DISC1: variants seen among roughly 807,000 people sequenced by gnomAD.
The protein encoded by DISC1 is disrupted in schizophrenia 1 protein.
In DISC1, 57 loss-of-function variants were observed where a neutral mutation model predicts 84.5. That is an observed-to-expected ratio of 0.67 (90% CI 0.55 to 0.84). DISC1 has a LOEUF of 0.84. Ranked by LOEUF, DISC1 falls within the 40% of genes least tolerant of loss-of-function variation. The pLI, the probability that DISC1 is intolerant of heterozygous loss-of-function variation, is 0.00. For missense variants in DISC1, 1,000 were observed against 1,057.8 expected (o/e 0.95, Z 0.76); for synonymous variants, 411 against 415.2 (o/e 0.99, Z 0.12).
chr1:231,917,859 T>G (rs913539233), intron 9 of DISC1, among the ~76,000 whole-genome samples: 1 of 152,262 alleles, frequency 6.6e-6, no homozygotes, highest in Non-Finnish European at 1.5e-5. Context: ...ATTCTTCACC[T>G]GTACATGTTA....
At chr1:231,915,194 T>C (rs975607113) in intron 9 of DISC1, among the ~76,000 whole-genome samples, 2 of 152,184 alleles carry the variant, frequency 1.3e-5, no homozygotes, top group African/African-American at 4.8e-5. Context: ...TTTTCTCTCA[T>C]ATGAAAGCAC....
At chr1:231,681,063 T>C (rs1048656583) in intron 1 of DISC1, among the ~76,000 whole-genome samples, 1 of 152,290 alleles carries the variant, frequency 6.6e-6, no homozygotes, top group Middle Eastern at 3.4e-3. Context: ...GTTAAAAAAT[T>C]CATTAGAGAC....
chr1:231,746,986 T>G (rs1222348656), intron 3 of DISC1, among the ~76,000 whole-genome samples: 2 of 152,224 alleles, frequency 1.3e-5, no homozygotes, highest in Admixed American at 1.3e-4. Flanking sequence ...TAGAATGCAG[T>G]GGCATGATCA....
intron 1 of DISC1, among the ~76,000 whole-genome samples, chr1:231,687,539 G>C (rs1311886058): frequency 6.6e-6 from 1 of 152,150 alleles, no homozygotes; most frequent in Non-Finnish European, 1.5e-5. Context: ...GGAATTATAG[G>C]AGTACAATTC....
intron 1 of DISC1, among the ~76,000 whole-genome samples, chr1:231,637,175 G>C (rs2059271839): frequency 1.3e-5 from 2 of 152,152 alleles, no homozygotes; most frequent in Non-Finnish European, 2.9e-5. Flanking sequence ...TGGTGTATAT[G>C]TGCCACATTT....
chr1:231,644,971 C>T (rs1015826061), intron 1 of DISC1, among the ~76,000 whole-genome samples: 24 of 151,940 alleles, frequency 1.6e-4, no homozygotes, highest in Non-Finnish European at 2.6e-4. Flanking sequence ...GCAGGATTGT[C>T]GCAGTAGCCT....
chr1:232,014,925 T>C (rs1018651757), intron 11 of DISC1, among the ~76,000 whole-genome samples: 1 of 152,230 alleles, frequency 6.6e-6, no homozygotes, highest in African/African-American at 2.4e-5. Flanking sequence ...AGTATTTATT[T>C]AGATTGTATA....
intron 9 of DISC1, among the ~76,000 whole-genome samples, chr1:231,871,998 C>T (rs1445500763): frequency 1.3e-5 from 2 of 152,230 alleles, no homozygotes; most frequent in Non-Finnish European, 2.9e-5. Flanking sequence ...TGGACTTCCT[C>T]TGGCTTTCTC....
At chr1:231,924,283 C>T (rs1219961743) in intron 9 of DISC1, among the ~76,000 whole-genome samples, 1 of 152,162 alleles carries the variant, frequency 6.6e-6, no homozygotes, top group Non-Finnish European at 1.5e-5. Context: ...TGCTCCTGGG[C>T]CCTTTGTGGC....
At chr1:231,868,714 A>T (rs1348061196) in intron 9 of DISC1, among the ~76,000 whole-genome samples, 1 of 112,318 alleles carries the variant, frequency 8.9e-6, no homozygotes. Flanking sequence ...ATATATATAT[A>T]TATATATATA....
chr1:231,722,844 C>T, intron 3 of DISC1: 1 of 1,418,452 alleles, frequency 7.0e-7, no homozygotes, highest in Non-Finnish European at 9.2e-7. Context: ...CCGTTTCTCC[C>T]ATGCGTTTCC....
intron 1 of DISC1, among the ~76,000 whole-genome samples, chr1:231,686,563 C>T (rs544025302): frequency 2.6e-5 from 4 of 152,288 alleles, no homozygotes; most frequent in South Asian, 2.1e-4. Flanking sequence ...ACCCTGGGCC[C>T]GGCCCACAAA....
chr1:231,770,079 GCACTCTTATCCC>G (rs2076438837), intron 5 of DISC1, among the ~76,000 whole-genome samples: 2 of 152,186 alleles, frequency 1.3e-5, no homozygotes, highest in South Asian at 4.2e-4. Flanking sequence ...GATTAGAGTT[GCACTCTTATCCC>G]CACAAAACAT....
intron 7 of DISC1, among the ~76,000 whole-genome samples, chr1:231,799,526 G>A (rs1468994744): frequency 1.3e-5 from 2 of 151,874 alleles, no homozygotes; most frequent in Non-Finnish European, 1.5e-5. Flanking sequence ...GCGGAGGGAG[G>A]GCCAAGGGAG....
chr1:231,626,837 G>A lies in DISC1; in HGVS notation c.-31G>A, dbSNP rs1192133533. The A allele has an allele frequency of 1.4e-6, 2 of 1,427,248 alleles. No individual in the cohort carries two copies. Among genetic ancestry groups the A allele is most frequent in the South Asian group, 2.9e-5 (2 of 67,844 alleles). 88.4% of individuals were successfully genotyped at this position (1,427,248 alleles called of 1,614,324 possible). On this transcript the variant is annotated 5_prime_UTR_variant, in exon 1 of 13. Coordinates refer to ENST00000439617, the MANE Select transcript of DISC1 (RefSeq NM_018662.3). ...CGGGGAAGGAGCAGGAGGCAGCCCAGGCGGAGCGGGAGGAGCTGGCAGCGG... is the reference window on the plus strand; with the variant it reads ...CGGGGAAGGAGCAGGAGGCAGCCCAAGCGGAGCGGGAGGAGCTGGCAGCGG...
chr1:231,701,780 T>G (rs2066454429), intron 2 of DISC1, among the ~76,000 whole-genome samples, 175 bp from the exon 3 acceptor site: 1 of 152,216 alleles, frequency 6.6e-6, no homozygotes, highest in Non-Finnish European at 1.5e-5. Flanking sequence ...CATAGATTTT[T>G]TTTGGAGAAA....
chr1:231,695,186 G>A (rs2065490341), intron 2 of DISC1, among the ~76,000 whole-genome samples: 1 of 152,210 alleles, frequency 6.6e-6, no homozygotes, highest in African/African-American at 2.4e-5. Context: ...AAATGGGGAT[G>A]CCCTCTATCA....
intron 3 of DISC1, among the ~76,000 whole-genome samples, chr1:231,744,575 T>TC (rs1186655876): frequency 6.6e-6 from 1 of 152,162 alleles, no homozygotes; most frequent in African/African-American, 2.4e-5. Flanking sequence ...TAGTTTTTTT[T>TC]CCATAAGAAA....
chr1:231,741,873 A>G (rs566040156), intron 3 of DISC1, among the ~76,000 whole-genome samples: 7 of 152,246 alleles, frequency 4.6e-5, no homozygotes, highest in African/African-American at 1.7e-4. Context: ...CTGCGCTTTC[A>G]TTTCCAGGTC....
Sources: gnomAD v4.1 joint callset for allele counts (sites outside exome capture counted in the v4.1 genomes callset) on GRCh38, gnomAD v4.1.1 for gene constraint, MANE v1.5 for transcripts, NCBI Gene and HGNC (gene_info 2026-07-23, HGNC 2026-07-21) for gene names.